The following TENM3 variants were observed in gnomAD, a reference collection of about 807,000 sequenced individuals.
TENM3 encodes teneurin transmembrane protein 3.
In TENM3, 63 loss-of-function variants were observed where a neutral mutation model predicts 255.1. The ratio of observed to expected loss-of-function variants is 0.25; its 90% CI spans 0.20 to 0.30. The LOEUF (loss-of-function observed/expected upper bound fraction) is 0.30. TENM3 is among the 10% of genes least tolerant of loss of function. The pLI is 1.00. For missense variants in TENM3, 2,929 were observed against 3,461.1 expected, an observed-to-expected ratio of 0.85 and a Z score of 3.86; for synonymous variants, 1,306 against 1,322.3, an observed-to-expected ratio of 0.99 and a Z score of 0.27.
At chr4:182,557,737 C>T (rs1425350473) in intron 3 of TENM3, among the ~76,000 whole-genome samples, 1 of 152,162 alleles carries the variant, frequency 6.6e-6, no homozygotes, top group Admixed American at 6.5e-5. Flanking sequence ...TCTCCCCCAG[C>T]CTCCAGCTGC....
chr4:181,653,325 G>T, the TENM3 span, among the ~76,000 whole-genome samples: 1 of 152,332 alleles, frequency 6.6e-6, no homozygotes, highest in African/African-American at 2.4e-5. Context: ...TAACAAGGTA[G>T]AAGGAGCTGC....
At chr4:181,985,864 C>T in the TENM3 span, among the ~76,000 whole-genome samples, 1 of 152,168 alleles carries the variant, frequency 6.6e-6, no homozygotes, top group Admixed American at 6.6e-5. Flanking sequence ...TGTCACGGCA[C>T]TTCTAGTTAA....
the TENM3 span, among the ~76,000 whole-genome samples, chr4:181,721,827 T>C: frequency 6.6e-6 from 1 of 152,038 alleles, no homozygotes; most frequent in East Asian, 2.0e-4. Context: ...CCTCTCGGCT[T>C]AGACTATGGG....
At chr4:181,938,480 C>G in the TENM3 span, among the ~76,000 whole-genome samples, 1 of 152,158 alleles carries the variant, frequency 6.6e-6, no homozygotes. Flanking sequence ...ACAAAACACT[C>G]AATAAATTGT....
At chr4:181,836,750 C>T in the TENM3 span, among the ~76,000 whole-genome samples, 3 of 152,146 alleles carry the variant, frequency 2.0e-5, no homozygotes, top group Admixed American at 6.5e-5. Flanking sequence ...TGGGATTTTG[C>T]ACTTCCGTAT....
rs538459297 is a variant in TENM3, at chr4:182,313,187, G to A, written c.-75-10759G>A. 2.0e-5 allele frequency among the ~76,000 whole-genome samples: 3 copies of A among 151,600 alleles called. No homozygotes were observed. The East Asian group carries it at 5.8e-4, about 29-fold the overall frequency. ...GAAAAAATTTTTAATGCATTGATGA[G>A]AGTTAAGCCACTTTTCTTATAGCCT... is the stretch of plus-strand genomic sequence containing the variant. On this transcript the variant is annotated intron_variant, in intron 1 of 27. Transcript: ENST00000511685.
the TENM3 span, among the ~76,000 whole-genome samples, chr4:181,907,671 G>A: frequency 1.3e-5 from 2 of 152,060 alleles, no homozygotes; most frequent in Non-Finnish European, 2.9e-5. Flanking sequence ...ACAAGACAGC[G>A]CCATTGCCCT....
intron 4 of TENM3, among the ~76,000 whole-genome samples, chr4:182,616,522 T>TTA (rs1554000094): frequency 2.5e-3 from 236 of 94,282 alleles, no homozygotes; most frequent in African/African-American, 8.3e-3. Context: ...TAAAGTATAA[T>TTA]AAAAAAAAAA....
chr4:181,892,993 T>TC, the TENM3 span, among the ~76,000 whole-genome samples: 2 of 152,190 alleles, frequency 1.3e-5, no homozygotes, highest in African/African-American at 4.8e-5. Context: ...CTGGGATGTT[T>TC]CCCCAATTCA....
chr4:182,709,286 G>A lies in TENM3; in HGVS notation c.2222-4801G>A, dbSNP rs182227450. 5.2e-3 allele frequency among the ~76,000 whole-genome samples: 785 copies of A among 152,154 alleles called. 5 individuals are homozygous for A. Among genetic ancestry groups the A allele is most frequent in the Non-Finnish European group, 6.6e-3 (448 of 68,004 alleles). On this transcript the variant is annotated intron_variant, in intron 12 of 27. Coordinates refer to ENST00000511685, the MANE Select transcript of TENM3 (RefSeq NM_001080477.4). ...GCATAAGCCACCGCATCCAGCTCTG[G>A]AAAATAGTTTTTTTAATGGTTCCCA...
chr4:182,713,309 T>G (rs1758898567), intron 12 of TENM3, among the ~76,000 whole-genome samples: 1 of 152,222 alleles, frequency 6.6e-6, no homozygotes, highest in Non-Finnish European at 1.5e-5. Context: ...GTATTTCATT[T>G]TGTCCGTCCT....
the TENM3 span, among the ~76,000 whole-genome samples, chr4:181,602,352 G>A: frequency 1.3e-5 from 2 of 152,132 alleles, no homozygotes; most frequent in African/African-American, 2.4e-5. Context: ...TTTTATTGTT[G>A]CCTTCATTTG....
At chr4:182,285,337 A>G (rs1760668360) in intron 1 of TENM3, among the ~76,000 whole-genome samples, 1 of 151,986 alleles carries the variant, frequency 6.6e-6, no homozygotes, top group Non-Finnish European at 1.5e-5. Flanking sequence ...TTGAACCATA[A>G]TGTTTTCTGC....
intron 1 of TENM3, among the ~76,000 whole-genome samples, chr4:182,207,912 G>C: frequency 6.6e-6 from 1 of 152,100 alleles, no homozygotes; most frequent in Non-Finnish European, 1.5e-5. Context: ...AGCAGTTTAA[G>C]TTATCTCAAA....
At chr4:182,411,904 A>T (rs1354013637) in intron 3 of TENM3, among the ~76,000 whole-genome samples, 1 of 152,194 alleles carries the variant, frequency 6.6e-6, no homozygotes, top group Non-Finnish European at 1.5e-5. Context: ...ATCAAAAGCA[A>T]CTTAAGTGTG....
At chr4:182,049,551 G>A in the TENM3 span, among the ~76,000 whole-genome samples, 476 of 152,336 alleles carry the variant, frequency 3.1e-3, 4 homozygotes, top group African/African-American at 0.011. Context: ...GAAGTTCAGC[G>A]TGCAAAGCAC....
At chr4:182,547,041 A>G (rs192907930) in intron 3 of TENM3, among the ~76,000 whole-genome samples, 354 of 152,208 alleles carry the variant, frequency 2.3e-3, no homozygotes, top group Middle Eastern at 0.01. Context: ...CTCCTCTTCC[A>G]TTTCTAGATG....
chr4:182,147,208 G>T (rs1055313580), intron 1 of TENM3, among the ~76,000 whole-genome samples: 1 of 152,294 alleles, frequency 6.6e-6, no homozygotes, highest in East Asian at 1.9e-4. Flanking sequence ...GAAGAAGCGC[G>T]TGGCTATCGT....
chr4:182,614,113 A>C (rs971522417), intron 4 of TENM3, among the ~76,000 whole-genome samples: 1 of 152,202 alleles, frequency 6.6e-6, no homozygotes, highest in Non-Finnish European at 1.5e-5. Flanking sequence ...CAAAGTACAT[A>C]GTTTACATTG....
Sources: allele counts gnomAD v4.1 joint callset (sites outside exome capture counted in the v4.1 genomes callset), GRCh38; gene constraint gnomAD v4.1.1; transcripts MANE v1.5; gene names NCBI Gene and HGNC (gene_info 2026-07-23, HGNC 2026-07-21).